The following LMF1 variants were observed in gnomAD, a reference collection of about 807,000 sequenced individuals.
LMF1 encodes transmembrane protein 112.
In LMF1, 68 loss-of-function variants were observed where a neutral mutation model predicts 60.6. The ratio of observed to expected loss-of-function variants is 1.12; its 90% CI spans 0.92 to 1.37. LMF1 has a LOEUF of 1.37. LMF1 is among the 40% of genes most tolerant of loss of function. The probability of loss-of-function intolerance (pLI) is 0.00; values close to 1 mark genes in which losing one functional copy is unlikely to be tolerated. For synonymous variants in LMF1, 418 were observed against 324.7 expected, an observed-to-expected ratio of 1.29 and a Z score of -3.09; for missense variants, 948 against 767.2, an observed-to-expected ratio of 1.24 and a Z score of -2.78.
chr16:941,814 G>A (rs971185099), intron 2 of LMF1, among the ~76,000 whole-genome samples: 3 of 152,270 alleles, frequency 2.0e-5, no homozygotes, highest in Admixed American at 6.5e-5. Context: ...CTCGCTTCAC[G>A]TAGAATTTAG....
At chr16:958,363 T>C (rs2151483187) in intron 1 of LMF1, among the ~76,000 whole-genome samples, 2 of 152,346 alleles carry the variant, frequency 1.3e-5, no homozygotes, top group South Asian at 4.1e-4. Flanking sequence ...GATTTGTATC[T>C]AGAATATTTA....
rs74004008 is a variant in LMF1 at position 889,420 on chromosome 16, G to A, written c.729+3587C>T. 7.9e-3 allele frequency among the ~76,000 whole-genome samples: 1,198 copies of A among 152,254 alleles called. 15 individuals carry two copies. The highest frequency in any genetic ancestry group is 0.027 in the African/African-American group (1,114 of 41,522). On this transcript the variant is annotated intron_variant, in intron 5 of 10. Transcript: ENST00000262301. ...TGTGAGGCTGTGGATGGCCATGGTGGAGCAGTTCCTTCTGGGGAGAGAAGT... is the reference window on the plus strand; with the variant it reads ...TGTGAGGCTGTGGATGGCCATGGTGAAGCAGTTCCTTCTGGGGAGAGAAGT...
intron 3 of LMF1, 153 bp from the exon 4 acceptor site, chr16:911,232 T>A: frequency 1.1e-6 from 1 of 895,436 alleles, no homozygotes; most frequent in Non-Finnish European, 1.8e-6. Flanking sequence ...AGTCTCAACA[T>A]CGACACGCAA....
chr16:980,290 G>T, intron 1 of LMF1: 1 of 157,396 alleles, frequency 6.4e-6, no homozygotes, highest in South Asian at 1.9e-4. Flanking sequence ...GCGGACGGGG[G>T]CGGGCGGCCG....
At chr16:870,428 G>A (rs1011593801) in intron 8 of LMF1, among the ~76,000 whole-genome samples, 2 of 152,228 alleles carry the variant, frequency 1.3e-5, no homozygotes, top group East Asian at 1.9e-4. Flanking sequence ...GCATTCCCAC[G>A]CAGGGGGTTG....
intron 10 of LMF1, among the ~76,000 whole-genome samples, chr16:859,837 GAGTGGTGTCACGGGATGGGTGTGC>G (rs1567137252): frequency 9.9e-5 from 11 of 110,726 alleles, no homozygotes; most frequent in African/African-American, 3.5e-4. Context: ...GGATGGGTGT[GAGTGGTGTCACGGGATGGGTGTGC>G]AGTGGTGTCT....
At chr16:972,338 C>T (rs1182433176), upstream of LMF1, among the ~76,000 whole-genome samples, 2 of 152,262 alleles carry the variant, frequency 1.3e-5, no homozygotes, top group Non-Finnish European at 2.9e-5. Context: ...AAACATCCTC[C>T]GCATGCTGGC....
At chr16:880,100 G>A (rs905980584) in intron 5 of LMF1, among the ~76,000 whole-genome samples, 2 of 152,190 alleles carry the variant, frequency 1.3e-5, no homozygotes, top group Non-Finnish European at 2.9e-5. Context: ...GCCCACAGGC[G>A]GCCAAGCTGC....
intron 10 of LMF1, chr16:855,482 G>A: frequency 5.6e-6 from 2 of 357,542 alleles, no homozygotes; most frequent in South Asian, 4.2e-5. Flanking sequence ...GGAGGACTGG[G>A]CATTTTCTCC....
At chr16:867,584 G>A (rs939899238) in intron 10 of LMF1, among the ~76,000 whole-genome samples, 1 of 152,206 alleles carries the variant, frequency 6.6e-6, no homozygotes, top group Admixed American at 6.5e-5. Flanking sequence ...GGGCTCCAAG[G>A]TCTCAGGCTC....
intron 5 of LMF1, among the ~76,000 whole-genome samples, chr16:890,046 C>T (rs1389540668): frequency 2.0e-5 from 3 of 152,188 alleles, no homozygotes; most frequent in African/African-American, 7.2e-5. Flanking sequence ...CTCGCTCTCC[C>T]CACACACTGC....
At chr16:869,490 G>A (rs1041109262) in intron 9 of LMF1, 11 of 545,314 alleles carry the variant, frequency 2.0e-5, no homozygotes, top group African/African-American at 5.6e-5. Context: ...GGAAGGCAAC[G>A]CTGCCATCAT....
At position 910,951 on chromosome 16, in the gene LMF1, A is replaced by T; in HGVS notation, c.643T>A (p.Phe215Ile). The T allele has an allele frequency of 6.2e-7, 1 of 1,612,960 alleles. No homozygotes were observed. The highest frequency in any genetic ancestry group is 8.5e-7 in the Non-Finnish European group (1 of 1,179,858). ...CTTACTGCTCCAAGCATGATCCTGA[A>T]GATCAGCCACCGGAAGCCCCACAGG... ...IVLWGFRWLI[F>I]RIMLGAGLIK... Residue 215 changes from phenylalanine (F) to isoleucine (I), a missense_variant, in exon 4 of 11, where the codon TTC (phenylalanine) becomes ATC (isoleucine). Phe to Ile is a conservative substitution (Grantham distance 21). Transcript: ENST00000262301.
rs1323885225 is a variant in LMF1, at chr16:911,223, G to C, written c.515-144C>G. ...GAGAGACACCAGCCCGCACGTATTA[G>C]TCTCAACATCGACACGCAAGGTCAG... is the stretch of plus-strand genomic sequence containing the variant. On this transcript the variant is annotated intron_variant, in intron 3 of 10. Coordinates refer to ENST00000262301, the MANE Select transcript of LMF1 (RefSeq NM_022773.4). 24 of 954,362 alleles carry C rather than the reference G, an allele frequency of 2.5e-5. No homozygotes were observed. In the Middle Eastern group the frequency reaches 6.3e-4, roughly 25 times the overall value. The allele number at this position is 954,362 out of a possible 1,614,324, so 59.1% of individuals were successfully genotyped here.
At chr16:930,197 CGTCTGA>C (rs2071738493) in intron 3 of LMF1, among the ~76,000 whole-genome samples, 1 of 140,020 alleles carries the variant, frequency 7.1e-6, no homozygotes, top group Non-Finnish European at 1.6e-5. Context: ...CGGTCGTGTT[CGTCTGA>C]ACAGGGGTGC....
chr16:942,879 CAT>C (rs1332927663), intron 2 of LMF1, among the ~76,000 whole-genome samples: 1 of 152,362 alleles, frequency 6.6e-6, no homozygotes, highest in Non-Finnish European at 1.5e-5. Flanking sequence ...TGCTATCCCA[CAT>C]GTCACTGAAG....
chr16:950,482 CAG>C (rs1403587635), intron 2 of LMF1, among the ~76,000 whole-genome samples: 3 of 118,802 alleles, frequency 2.5e-5, no homozygotes, highest in African/African-American at 4.1e-5. Context: ...ACGACAGAGT[CAG>C]AGCCAACGAC....
chr16:958,896 C>T (rs536980262), intron 1 of LMF1, among the ~76,000 whole-genome samples: 1 of 147,132 alleles, frequency 6.8e-6, no homozygotes, highest in Non-Finnish European at 1.5e-5. Context: ...AAAAAAAAAC[C>T]AAAAAAACAA....
At chr16:895,910 C>T (rs1219128712) in intron 4 of LMF1, among the ~76,000 whole-genome samples, 5 of 106,172 alleles carry the variant, frequency 4.7e-5, no homozygotes, top group Non-Finnish European at 9.8e-5. Context: ...AGACACGCCT[C>T]GGAGGGGTTG....
Sources: allele counts gnomAD v4.1 joint callset (sites outside exome capture counted in the v4.1 genomes callset), GRCh38; gene constraint gnomAD v4.1.1; transcripts MANE v1.5; gene names NCBI Gene and HGNC (gene_info 2026-07-23, HGNC 2026-07-21).